CDH13: variants seen among roughly 807,000 people sequenced by gnomAD.
CDH13 encodes the protein cadherin 13, also known as cadherin-13.
CDH13 carries 24 observed loss-of-function variants against 63.8 expected under a neutral mutation model. The ratio of observed to expected loss-of-function variants is 0.38; its 90% CI spans 0.27 to 0.53. The LOEUF is 0.53. Ranked by LOEUF, CDH13 falls within the 20% of genes least tolerant of loss-of-function variation. The pLI is 0.85. For synonymous variants in CDH13, 503 were observed against 355.3 expected (o/e 1.42, Z -4.67); for missense variants, 1,049 against 903.1 (o/e 1.16, Z -2.07).
At chr16:83,091,104 C>T (rs565752442) in intron 3 of CDH13, among the ~76,000 whole-genome samples, 2 of 151,936 alleles carry the variant, frequency 1.3e-5, no homozygotes, top group Non-Finnish European at 1.5e-5. Flanking sequence ...GTTGACAAGC[C>T]ACAATATTTG....
intron 4 of CDH13, among the ~76,000 whole-genome samples, chr16:83,215,371 G>T (rs375243539): frequency 2.5e-4 from 38 of 151,848 alleles, no homozygotes; most frequent in African/African-American, 8.7e-4. Flanking sequence ...GAGCCACCAC[G>T]CCCGGCCCAC....
chr16:82,823,585 C>G (rs1255538644), intron 1 of CDH13: 2 of 152,160 alleles, frequency 1.3e-5, no homozygotes, highest in Non-Finnish European at 2.9e-5. Context: ...TTATTTGACT[C>G]TGTCCATTAA....
intron 4 of CDH13, among the ~76,000 whole-genome samples, chr16:83,187,734 T>C (rs1196914251): frequency 1.3e-5 from 2 of 152,156 alleles, no homozygotes; most frequent in African/African-American, 4.8e-5. Flanking sequence ...GACCAAGCCC[T>C]GTCCTACAGT....
At chr16:83,772,826 G>C (rs954767257) in intron 11 of CDH13, 1 of 152,238 alleles carries the variant, frequency 6.6e-6, no homozygotes, top group African/African-American at 2.4e-5. Flanking sequence ...ATCACAACCA[G>C]ATCCCCTGCA....
At chr16:82,987,450 C>G (rs960885757) in intron 2 of CDH13, among the ~76,000 whole-genome samples, 4 of 152,122 alleles carry the variant, frequency 2.6e-5, no homozygotes, top group African/African-American at 9.7e-5. Flanking sequence ...GATCCTGGCT[C>G]ATTGCAACCT....
chr16:83,102,937 TTTTTC>T (rs1270320221), intron 3 of CDH13, among the ~76,000 whole-genome samples: 59 of 105,112 alleles, frequency 5.6e-4, no homozygotes, highest in Middle Eastern at 5.3e-3. Flanking sequence ...TTTCTTTTTT[TTTTTC>T]TTTTTCTTTT....
At chr16:83,310,755 T>C (rs2089982248) in intron 5 of CDH13, among the ~76,000 whole-genome samples, 2 of 152,182 alleles carry the variant, frequency 1.3e-5, no homozygotes, top group African/African-American at 4.8e-5. Context: ...GCCCTAGAGC[T>C]AAAATTCCCT....
intron 10 of CDH13, among the ~76,000 whole-genome samples, chr16:83,737,281 C>T (rs1911629220): frequency 6.6e-6 from 1 of 152,202 alleles, no homozygotes; most frequent in South Asian, 2.1e-4. Flanking sequence ...ATCTACATCA[C>T]AACTGAGTAG....
chr16:83,319,335 T>C (rs1008388533), intron 5 of CDH13, among the ~76,000 whole-genome samples: 1 of 152,220 alleles, frequency 6.6e-6, no homozygotes, highest in African/African-American at 2.4e-5. Flanking sequence ...TCGGTGTTTC[T>C]CTGCCAGCAA....
rs140499757 is a variant in CDH13 at position 82,804,868 on chromosome 16, A to G, written c.46-53494A>G. Reference sequence around the variant, plus strand: ...AATTTAGAGAAATAATCTAAGGGTTATCAAAGAATGTTCAAATTCCCTCAG... The same window carrying G: ...AATTTAGAGAAATAATCTAAGGGTTGTCAAAGAATGTTCAAATTCCCTCAG... On this transcript the variant is annotated intron_variant, in intron 1 of 13. Coordinates refer to ENST00000567109, the MANE Select transcript of CDH13 (RefSeq NM_001257.5). 3.8e-3 allele frequency among the ~76,000 whole-genome samples: 584 copies of G among 152,362 alleles called. 5 individuals are homozygous for G. Among genetic ancestry groups the G allele is most frequent in the African/African-American group, 0.013 (554 of 41,588 alleles).
At chr16:83,767,353 A>G (rs1371356195) in intron 11 of CDH13, among the ~76,000 whole-genome samples, 1 of 152,182 alleles carries the variant, frequency 6.6e-6, no homozygotes, top group East Asian at 1.9e-4. Flanking sequence ...TATGGTAGCG[A>G]ATAAGTCTCA....
intron 7 of CDH13, among the ~76,000 whole-genome samples, chr16:83,521,978 C>G (rs1183758092): frequency 1.3e-5 from 2 of 152,188 alleles, no homozygotes; most frequent in Admixed American, 6.5e-5. Flanking sequence ...TTTTCTGAAG[C>G]TAGAGCCCCT....
chr16:83,427,546 A>G (rs943095509), intron 6 of CDH13, among the ~76,000 whole-genome samples: 5 of 152,196 alleles, frequency 3.3e-5, no homozygotes, highest in African/African-American at 1.2e-4. Flanking sequence ...CTCTAAAACT[A>G]TAAATCATCA....
At chr16:82,860,643 T>TAA (rs71868410) in intron 2 of CDH13, among the ~76,000 whole-genome samples, 1,510 of 149,874 alleles carry the variant, frequency 0.01, 30 homozygotes, top group African/African-American at 0.035. Context: ...ATTACTAAGG[T>TAA]AAAAAAAAAA....
chr16:83,375,774 A>G (rs941087411), intron 6 of CDH13, among the ~76,000 whole-genome samples: 4 of 152,050 alleles, frequency 2.6e-5, no homozygotes, highest in African/African-American at 9.7e-5. Flanking sequence ...TGTTGCAGGA[A>G]GAATGAACCT....
At chr16:83,130,524 T>A (rs1305751327) in intron 4 of CDH13, among the ~76,000 whole-genome samples, 2 of 152,208 alleles carry the variant, frequency 1.3e-5, no homozygotes, top group Non-Finnish European at 2.9e-5. Flanking sequence ...GAGGGTTGGA[T>A]CAATAGATCG....
intron 2 of CDH13, among the ~76,000 whole-genome samples, chr16:82,998,398 C>G (rs1034892419): frequency 6.6e-6 from 1 of 152,130 alleles, no homozygotes; most frequent in Non-Finnish European, 1.5e-5. Context: ...TCGTGAAGTT[C>G]TTTTCTATTT....
At chr16:83,329,472 G>C (rs536603966) in intron 5 of CDH13, among the ~76,000 whole-genome samples, 2 of 151,972 alleles carry the variant, frequency 1.3e-5, no homozygotes, top group East Asian at 3.9e-4. Flanking sequence ...CCTGACCTCA[G>C]GTGATGTGGC....
At chr16:83,480,385 A>C (rs9929957) in intron 6 of CDH13, among the ~76,000 whole-genome samples, 147,516 of 152,226 alleles carry the variant, frequency 0.97, 71,670 homozygotes, top group Middle Eastern at 1. Flanking sequence ...GGTTTTAAAA[A>C]TAGATAGCCC....
Sources: allele counts gnomAD v4.1 joint callset (sites outside exome capture counted in the v4.1 genomes callset), GRCh38; gene constraint gnomAD v4.1.1; transcripts MANE v1.5; gene names NCBI Gene and HGNC (gene_info 2026-07-23, HGNC 2026-07-21).